Variants in ANKRD30BL observed in about 807,000 individuals in gnomAD.
The protein encoded by ANKRD30BL is putative ankyrin repeat domain-containing protein 30B-like.
Under a neutral mutation model 18.4 loss-of-function variants are expected in ANKRD30BL, and 20 were observed. That is an observed-to-expected ratio of 1.09 (90% CI 0.77 to 1.58). The LOEUF (loss-of-function observed/expected upper bound fraction) is 1.58. Ranked by LOEUF, ANKRD30BL falls within the 40% of genes most tolerant of loss-of-function variation. The pLI, the probability that ANKRD30BL is intolerant of heterozygous loss-of-function variation, is 0.00. For missense variants in ANKRD30BL, 224 were observed against 268.6 expected (o/e 0.83, Z 1.16); for synonymous variants, 72 against 100.9 (o/e 0.71, Z 1.72).
intron 1 of ANKRD30BL, among the ~76,000 whole-genome samples, chr2:132,234,873 G>C (rs1044269100): frequency 2.6e-5 from 4 of 152,108 alleles, no homozygotes; most frequent in Non-Finnish European, 4.4e-5. Context: ...GCCAGGCAGA[G>C]ACACAACCAA....
In ANKRD30BL at chr2:132,181,294, C is replaced by T. The variant is rs182801223; in HGVS notation, n.442-24148G>A. Among the ~76,000 whole-genome samples the T allele has an allele frequency of 5.3e-5, 8 of 151,578 alleles. No homozygotes were observed. The South Asian group carries it at 1.0e-3, about 20-fold the overall frequency. On this transcript the variant is annotated intron_variant and non_coding_transcript_variant, in intron 1 of 4. Coordinates refer to the ANKRD30BL transcript ENST00000470729. ...TTTGAGACCAGCCTGGGCAACATGG[C>T]GAAACCCCGTCTCCATTAAAAATAC... is the stretch of plus-strand genomic sequence containing the variant.
chr2:132,173,895 G>A (rs1488243935), intron 1 of ANKRD30BL, among the ~76,000 whole-genome samples: 3 of 152,150 alleles, frequency 2.0e-5, no homozygotes, highest in Non-Finnish European at 4.4e-5. Flanking sequence ...AGAAGACTCA[G>A]GGAATTTACA....
At chr2:132,242,296 A>G (rs533299965) in intron 1 of ANKRD30BL, among the ~76,000 whole-genome samples, 3 of 151,956 alleles carry the variant, frequency 2.0e-5, no homozygotes, top group East Asian at 3.9e-4. Context: ...AGAAGTTTTC[A>G]AACACTCTTT....
intron 1 of ANKRD30BL, among the ~76,000 whole-genome samples, chr2:132,249,746 T>C (rs78691629): frequency 1.3e-5 from 2 of 152,282 alleles, no homozygotes; most frequent in South Asian, 4.1e-4. Context: ...ATGGTTCAAC[T>C]CTGTGAGATG....
chr2:132,245,441 T>C (rs1303881755), intron 1 of ANKRD30BL, among the ~76,000 whole-genome samples: 5 of 150,954 alleles, frequency 3.3e-5, no homozygotes, highest in Non-Finnish European at 7.4e-5. Flanking sequence ...AAAGGAAATA[T>C]CTTCACAGAA....
chr2:132,232,741 C>T (rs1481922262), intron 1 of ANKRD30BL, among the ~76,000 whole-genome samples: 4 of 152,070 alleles, frequency 2.6e-5, no homozygotes, highest in Non-Finnish European at 2.9e-5. Flanking sequence ...GGAGAAGGGA[C>T]CCAAGTTGGA....
chr2:132,211,370 G>A (rs1573846473), intron 1 of ANKRD30BL, among the ~76,000 whole-genome samples: 1 of 151,724 alleles, frequency 6.6e-6, no homozygotes, highest in African/African-American at 2.4e-5. Context: ...AGCGCTTTGA[G>A]TCTTCTGGTG....
At chr2:132,202,695 G>A (rs10432333) in intron 1 of ANKRD30BL, among the ~76,000 whole-genome samples, 2,943 of 81,882 alleles carry the variant, frequency 0.036, no homozygotes, top group East Asian at 0.17. Context: ...ATGTACACAT[G>A]TACACATATA....
intron 1 of ANKRD30BL, among the ~76,000 whole-genome samples, chr2:132,219,651 T>C (rs980198110): frequency 3.3e-5 from 5 of 152,038 alleles, no homozygotes; most frequent in Admixed American, 6.6e-5. Context: ...GGAAAGGAAA[T>C]ATCTTCACAT....
chr2:132,212,484 G>A (rs1253736199), intron 1 of ANKRD30BL, among the ~76,000 whole-genome samples: 6 of 151,260 alleles, frequency 4.0e-5, no homozygotes, highest in African/African-American at 1.5e-4. Context: ...CATAAAAACT[G>A]TTCAGAAACA....
At chr2:132,193,094 C>G (rs1197571740) in intron 1 of ANKRD30BL, among the ~76,000 whole-genome samples, 3 of 152,228 alleles carry the variant, frequency 2.0e-5, no homozygotes. Flanking sequence ...GCACTCACCA[C>G]AGAAGAGGCA....
chr2:132,179,605 G>T (rs1463990636), intron 1 of ANKRD30BL, among the ~76,000 whole-genome samples: 3 of 152,014 alleles, frequency 2.0e-5, no homozygotes, highest in African/African-American at 7.2e-5. Flanking sequence ...ATCATGTTTT[G>T]AGAGGGTACT....
chr2:132,181,276 C>G (rs1688456108), intron 1 of ANKRD30BL, among the ~76,000 whole-genome samples: 1 of 151,976 alleles, frequency 6.6e-6, no homozygotes, highest in African/African-American at 2.4e-5. Flanking sequence ...GAGTTTGAGA[C>G]CAGCCTGGGC....
chr2:132,194,430 C>G (rs1446461812), intron 1 of ANKRD30BL, among the ~76,000 whole-genome samples: 6 of 152,222 alleles, frequency 3.9e-5, no homozygotes, highest in African/African-American at 1.2e-4. Flanking sequence ...AGCACTTCTA[C>G]ACTTGTGCAG....
At chr2:132,191,888 C>G (rs573038999) in intron 1 of ANKRD30BL, among the ~76,000 whole-genome samples, 4 of 151,898 alleles carry the variant, frequency 2.6e-5, no homozygotes, top group Admixed American at 1.3e-4. Flanking sequence ...ACTACAGGCT[C>G]TCACCACCAC....
intron 1 of ANKRD30BL, among the ~76,000 whole-genome samples, chr2:132,236,336 A>T (rs1680150639): frequency 6.6e-6 from 1 of 152,036 alleles, no homozygotes; most frequent in Non-Finnish European, 1.5e-5. Flanking sequence ...AAAATTGACA[A>T]ATGGGATCTA....
chr2:132,197,077 C>T (rs1414110084), intron 1 of ANKRD30BL, among the ~76,000 whole-genome samples: 1 of 152,234 alleles, frequency 6.6e-6, no homozygotes, highest in African/African-American at 2.4e-5. Flanking sequence ...ACTTTGATGA[C>T]GTTTCCATTC....
At chr2:132,175,425 T>G in intron 1 of ANKRD30BL, among the ~76,000 whole-genome samples, 1 of 152,340 alleles carries the variant, frequency 6.6e-6, no homozygotes, top group East Asian at 1.9e-4. Flanking sequence ...CAACATGTCT[T>G]GCCTCCTGCC....
intron 1 of ANKRD30BL, among the ~76,000 whole-genome samples, chr2:132,187,184 G>GTTTTTTTTTTTTTTT (rs1392451243): frequency 5.7e-5 from 6 of 105,350 alleles, no homozygotes; most frequent in Non-Finnish European, 9.3e-5. Flanking sequence ...TTTTTTTTTT[G>GTTTTTTTTTTTTTTT]TTTGTTTTTT....
Sources: allele counts gnomAD v4.1 joint callset (sites outside exome capture counted in the v4.1 genomes callset), GRCh38; gene constraint gnomAD v4.1.1; transcripts MANE v1.5; gene names NCBI Gene and HGNC (gene_info 2026-07-23, HGNC 2026-07-21).